Variants in SLC45A4 observed in about 807,000 individuals in gnomAD.
SLC45A4 encodes the protein solute carrier family 45 member 4, also known as polyamine-transporter SLC45A4.
SLC45A4 carries 32 observed loss-of-function variants against 63.7 expected under a neutral mutation model. That is an observed-to-expected ratio of 0.50 (90% CI 0.38 to 0.67). SLC45A4 has a LOEUF of 0.67. Among genes scored for constraint, SLC45A4 ranks in the 30% least tolerant of loss-of-function variants. The pLI, the probability that SLC45A4 is intolerant of heterozygous loss-of-function variation, is 0.00. For synonymous variants in SLC45A4, 535 were observed against 510.0 expected, an observed-to-expected ratio of 1.05 and a Z score of -0.66; for missense variants, 1,027 against 1,157.7, an observed-to-expected ratio of 0.89 and a Z score of 1.64.
chr8:141,212,610 C>T (rs528274678), intron 7 of SLC45A4, 54 bp from the exon 8 acceptor site: 56 of 1,526,160 alleles, frequency 3.7e-5, no homozygotes, highest in South Asian at 1.7e-4. Context: ...GGCTGCTACC[C>T]GTGCTTCACA....
chr8:141,293,330 T>C (rs1238892025), intron 1 of SLC45A4, among the ~76,000 whole-genome samples: 1 of 152,070 alleles, frequency 6.6e-6, no homozygotes, highest in African/African-American at 2.4e-5. Flanking sequence ...GGCAGGTGCC[T>C]GTAATCCCAG....
At position 141,256,252 on chromosome 8, in the gene SLC45A4, G is replaced by A. The variant is rs543454426; in HGVS notation, c.-400-1623C>T. 4.6e-5 allele frequency among the ~76,000 whole-genome samples: 7 copies of A among 152,300 alleles called. No individual in the cohort carries two copies. In the South Asian group the frequency reaches 1.0e-3, roughly 23 times the overall value. On this transcript the variant is annotated intron_variant, in intron 1 of 8. Coordinates refer to ENST00000517878, the MANE Select transcript of SLC45A4 (RefSeq NM_001286646.2). This position sits in a 1 kb window ranked among gnomAD's most constrained non-coding sequence, Gnocchi z 4.3. ...AGTTAGGTCTCCAGACATGGGGTTC[G>A]GTTCAACTGAAGTGTTAGAGCCCCT... is the stretch of plus-strand genomic sequence containing the variant.
intron 1 of SLC45A4, among the ~76,000 whole-genome samples, chr8:141,277,638 C>T (rs1227232854): frequency 2.0e-5 from 3 of 151,556 alleles, no homozygotes; most frequent in Non-Finnish European, 4.4e-5. Context: ...ATTGTGTTAT[C>T]TTTAAACATT....
intron 8 of SLC45A4, 59 bp downstream of exon 8, chr8:141,212,138 G>GGC: frequency 7.1e-5 from 47 of 664,396 alleles, no homozygotes; most frequent in East Asian, 8.7e-5. Context: ...TGGCCCCGCC[G>GGC]CCCGCCCGCC....
At chr8:141,272,347 G>A (rs774114728) in intron 1 of SLC45A4, among the ~76,000 whole-genome samples, 1 of 152,180 alleles carries the variant, frequency 6.6e-6, no homozygotes, top group African/African-American at 2.4e-5. Flanking sequence ...CACGCGCTAC[G>A]GCTGATCTCG....
Position 141,221,557 on chromosome 8 carries a change from G to C in SLC45A4, c.430+20C>G. 1 of 1,608,152 alleles carries C rather than the reference G, an allele frequency of 6.2e-7. No individual in the cohort carries two copies. Among genetic ancestry groups the C allele is most frequent in the Non-Finnish European group, 8.5e-7 (1 of 1,177,500 alleles). Reference sequence around the variant, plus strand: ...CCCCGTCTGTGTTGTGAGGACACCAGGTGTGGCCGAGAAACTTACCGATGG... The same window carrying C: ...CCCCGTCTGTGTTGTGAGGACACCACGTGTGGCCGAGAAACTTACCGATGG... On this transcript the variant is annotated intron_variant, in intron 3 of 8. Coordinates refer to ENST00000517878, the MANE Select transcript of SLC45A4 (RefSeq NM_001286646.2).
chr8:141,245,123 T>C (rs769587470), intron 2 of SLC45A4, among the ~76,000 whole-genome samples: 4 of 152,060 alleles, frequency 2.6e-5, no homozygotes, highest in Non-Finnish European at 5.9e-5. Flanking sequence ...AAAAAGATAA[T>C]GACAGTAATA....
In SLC45A4 at chr8:141,211,349, G is replaced by A. The variant is rs1291982699; in HGVS notation, c.*223C>T. ...TGGCTGGGCGCAGACACACTCACAC[G>A]CGCACGCAGGAGCTCGTCTGGAGCT... On this transcript the variant is annotated 3_prime_UTR_variant, in exon 9 of 9. Transcript: ENST00000517878. 16 of 1,391,564 alleles carry A rather than the reference G, an allele frequency of 1.1e-5. No individual in the cohort carries two copies. Among genetic ancestry groups the A allele is most frequent in the South Asian group, 1.5e-5 (1 of 65,262 alleles). The allele number at this position is 1,391,564 out of a possible 1,614,324, so 86.2% of individuals were successfully genotyped here. A position where few individuals can be genotyped will look rare whatever the true frequency, so the allele number is the denominator to read the frequency against.
rs138770433 is a variant in SLC45A4, at chr8:141,218,607, G to A, written c.1033C>T (p.Arg345Cys). 8.8e-5 allele frequency: 142 copies of A among 1,612,922 alleles called. 2 individuals are homozygous for A. In the Middle Eastern group the frequency reaches 1.5e-3, roughly 17 times the overall value. The change falls in exon 5 of 9, where the codon CGC becomes TGC. Residue 345 changes from arginine to cysteine, a missense_variant. Coordinates refer to ENST00000517878, the MANE Select transcript of SLC45A4 (RefSeq NM_001286646.2). ...FHDASYPATP[R>C]STSQELAKTK... ...TTGGCGAGCTCCTGGCTGGTGCTGC[G>A]GGGGGTGGCGGGGTAGGAGGCGTCG...
At chr8:141,270,444 C>A (rs552645126) in intron 1 of SLC45A4, among the ~76,000 whole-genome samples, 2 of 150,720 alleles carry the variant, frequency 1.3e-5, no homozygotes, top group African/African-American at 4.9e-5. Flanking sequence ...GAGGCTGAGG[C>A]GGGAGAATCG....
intron 7 of SLC45A4, among the ~76,000 whole-genome samples, chr8:141,213,329 G>A (rs1329963735): frequency 6.6e-6 from 1 of 152,208 alleles, no homozygotes; most frequent in Admixed American, 6.5e-5. Context: ...CGCGTGATGT[G>A]CTGGGCCACA....
At chr8:141,223,544 G>T (rs1169738640) in intron 2 of SLC45A4, among the ~76,000 whole-genome samples, 1 of 152,148 alleles carries the variant, frequency 6.6e-6, no homozygotes, top group Non-Finnish European at 1.5e-5. Flanking sequence ...GCAGCCCCTC[G>T]CAGAGCTGCG....
intron 1 of SLC45A4, among the ~76,000 whole-genome samples, chr8:141,274,465 C>T (rs975380788): frequency 7.0e-6 from 1 of 143,028 alleles, no homozygotes; most frequent in African/African-American, 2.6e-5. Context: ...ACCCGGGAGG[C>T]GGAGGTTGCA....
chr8:141,230,868 G>T (rs1226733628), intron 2 of SLC45A4, among the ~76,000 whole-genome samples: 1 of 152,252 alleles, frequency 6.6e-6, no homozygotes, highest in Non-Finnish European at 1.5e-5. Context: ...TGGCACTGAT[G>T]ACGGCCCCAA....
At chr8:141,223,419 CTT>C (rs957467394) in intron 2 of SLC45A4, among the ~76,000 whole-genome samples, 34 of 152,346 alleles carry the variant, frequency 2.2e-4, no homozygotes, top group African/African-American at 7.9e-4. Flanking sequence ...AGAAAAGTCT[CTT>C]TATCAAAACT....
intron 1 of SLC45A4, among the ~76,000 whole-genome samples, chr8:141,306,214 C>T (rs1476187216): frequency 6.6e-6 from 1 of 152,234 alleles, no homozygotes; most frequent in Non-Finnish European, 1.5e-5. Flanking sequence ...CCCCACTCCC[C>T]GCCCTGTGAA....
chr8:141,253,007 CTG>C (rs753084248), intron 2 of SLC45A4, among the ~76,000 whole-genome samples: 1 of 126,672 alleles, frequency 7.9e-6, no homozygotes, highest in Non-Finnish European at 1.6e-5. Flanking sequence ...ACCTGTGCGT[CTG>C]TGAATTTCCG....
intron 1 of SLC45A4, among the ~76,000 whole-genome samples, chr8:141,291,961 G>T (rs774309645): frequency 3.9e-5 from 6 of 152,234 alleles, no homozygotes; most frequent in Non-Finnish European, 8.8e-5. Flanking sequence ...CAAAGAAGCG[G>T]CTGGGACACT....
intron 1 of SLC45A4, among the ~76,000 whole-genome samples, chr8:141,268,176 TTAAATG>T: frequency 6.6e-6 from 1 of 152,196 alleles, no homozygotes; most frequent in East Asian, 1.9e-4. Context: ...TGCGGGCACT[TTAAATG>T]AGTATTTCTA....
Sources: gnomAD v4.1 joint callset for allele counts (sites outside exome capture counted in the v4.1 genomes callset) on GRCh38, gnomAD v4.1.1 for gene constraint, Gnocchi (gnomAD v3.1) non-coding constraint, MANE v1.5 for transcripts, NCBI Gene and HGNC (gene_info 2026-07-23, HGNC 2026-07-21) for gene names.